TNRC18: variants seen among roughly 807,000 people sequenced by gnomAD.
TNRC18 encodes trinucleotide repeat-containing gene 18 protein.
In TNRC18, 69 loss-of-function variants were observed where a neutral mutation model predicts 226.7. The observed-to-expected ratio is 0.30, with a 90% confidence interval of 0.25 to 0.37. The LOEUF (loss-of-function observed/expected upper bound fraction) is 0.37, where lower values mean the gene tolerates loss of function less well. Ranked by LOEUF, TNRC18 falls within the 10% of genes least tolerant of loss-of-function variation. The pLI, the probability that TNRC18 is intolerant of heterozygous loss-of-function variation, is 1.00. For synonymous variants in TNRC18, 2,449 were observed against 1,927.6 expected, an observed-to-expected ratio of 1.27 and a Z score of -7.09; for missense variants, 4,754 against 4,256.6, an observed-to-expected ratio of 1.12 and a Z score of -3.25.
intron 18 of TNRC18, 45 bp downstream of exon 18, chr7:5,345,517 G>GGGGGGGGGCGCCCCCCCCCCCCCCCCCCC: frequency 2.6e-6 from 1 of 377,744 alleles, no homozygotes. Context: ...AATGGCGTCC[G>GGGGGGGGGCGCCCCCCCCCCCCCCCCCCC]CCCCTCCCAC....
At chr7:5,385,514 A>G (rs1175125567) in intron 5 of TNRC18, among the ~76,000 whole-genome samples, 1 of 119,752 alleles carries the variant, frequency 8.4e-6, no homozygotes, top group African/African-American at 3.5e-5. Context: ...AAAAAAAAAA[A>G]AAAGAAAAAA....
At chr7:5,321,225 C>CG in intron 21 of TNRC18, 35 bp from the exon 22 acceptor site, 1 of 1,468,352 alleles carries the variant, frequency 6.8e-7, no homozygotes, top group Non-Finnish European at 9.3e-7. Flanking sequence ...AGGCTGGAGC[C>CG]GGGGGCGTCT....
chr7:5,388,359 G>C lies in TNRC18; in HGVS notation c.1465C>G (p.Gln489Glu). The change falls in exon 5 of 30, where the codon CAG (glutamine) becomes GAG (glutamate). Residue 489 changes from glutamine to glutamate, a missense_variant. Gln to Glu is a conservative substitution (Grantham distance 29). Coordinates refer to ENST00000430969, the MANE Select transcript of TNRC18 (RefSeq NM_001080495.3). ...PRGPAGPAAQ[Q>E]AAKLFGLEPG... ...TCCAGGCCGAAGAGCTTGGCGGCCT[G>C]TTGGGCTGCAGGACCGGCTGGGCCG... 1.3e-6 allele frequency: 2 copies of C among 1,573,538 alleles called. No homozygotes were observed. Among genetic ancestry groups the C allele is most frequent in the Admixed American group, 1.9e-5 (1 of 53,896 alleles).
chr7:5,383,344 G>C lies in TNRC18; in HGVS notation c.2152+4328C>G, dbSNP rs183996873. On this transcript the variant is annotated intron_variant, in intron 5 of 29. Transcript: ENST00000430969. ...CAGACCTAGATCCTATGTGAGAACA[G>C]GAAGACCCAGGGCTCCCCTGCACAG... 2.6e-5 allele frequency among the ~76,000 whole-genome samples: 4 copies of C among 152,270 alleles called. No homozygotes were observed. In the East Asian group the frequency reaches 5.8e-4, roughly 22 times the overall value.
rs778942831 is a variant in TNRC18, at chr7:5,308,833, G to A, written c.8700+42C>T. On this transcript the variant is annotated intron_variant, in intron 29 of 29. Transcript: ENST00000430969. The stretch of plus-strand genomic sequence containing the variant: ...TGTCTGAGCTGCCCGGAAGGAAGCA[G>A]CCATCCCCAACCCGCCCACCACCAC... The A allele has an allele frequency of 5.5e-6, 8 of 1,454,860 alleles. No homozygotes were observed. In the East Asian group the frequency reaches 1.7e-4, roughly 31 times the overall value. 90.1% of individuals were successfully genotyped at this position (1,454,860 alleles called of 1,614,324 possible).
chr7:5,351,463 G>C (rs1422253808), intron 17 of TNRC18, among the ~76,000 whole-genome samples: 1 of 149,078 alleles, frequency 6.7e-6, no homozygotes, highest in Admixed American at 6.7e-5. Flanking sequence ...TCTCTGGGTG[G>C]GCAGAAAACG....
intron 16 of TNRC18, among the ~76,000 whole-genome samples, chr7:5,353,493 A>G (rs1317004319): frequency 7.4e-6 from 1 of 134,792 alleles, no homozygotes; most frequent in Non-Finnish European, 1.6e-5. Context: ...CGGGAGGTGG[A>G]GGTTGCAGTG....
chr7:5,354,608 C>T (rs1314876009), intron 16 of TNRC18, among the ~76,000 whole-genome samples: 1 of 152,086 alleles, frequency 6.6e-6, no homozygotes, highest in African/African-American at 2.4e-5. Context: ...TGATCACACC[C>T]ATCCCAATCA....
chr7:5,314,563 CTTTTTTTTTTTTTT>C (rs67183154), intron 26 of TNRC18, among the ~76,000 whole-genome samples: 19,615 of 80,584 alleles, frequency 0.24, 1,795 homozygotes, highest in Admixed American at 0.41. Flanking sequence ...GAGTTCTCTT[CTTTTTTTTTTTTTT>C]TTTTTTTTTT....
At chr7:5,375,068 G>C (rs1052818710) in intron 9 of TNRC18, among the ~76,000 whole-genome samples, 1 of 152,204 alleles carries the variant, frequency 6.6e-6, no homozygotes, top group Non-Finnish European at 1.5e-5. Flanking sequence ...CCAGCACTTT[G>C]GGAGGCCAAG....
chr7:5,377,332 C>CCCCA lies in TNRC18; in HGVS notation c.2461+38_2461+39insTGGG. 3 of 985,846 alleles carry CCCCA rather than the reference C, an allele frequency of 3.0e-6. No individual in the cohort carries two copies. The highest frequency in any genetic ancestry group is 4.5e-6 in the Non-Finnish European group (3 of 673,506). 61.1% of individuals were successfully genotyped at this position (985,846 alleles called of 1,614,324 possible). On this transcript the variant is annotated intron_variant, in intron 7 of 29. Transcript: ENST00000430969. This position sits in a 1 kb window ranked among gnomAD's most constrained non-coding sequence, Gnocchi z 5.8. ...CCTGCACCCGCCCCCTCCCACCCCT[C>CCCCA]CCTCAGAGAAGGGGAGAGACCCTGT...
Position 5,361,857 on chromosome 7 carries a change from GGGGCAGGGGCCCCACGGGGC to G in TNRC18, c.4532+20_4532+39del, listed in dbSNP as rs755383947. On this transcript the variant is annotated intron_variant, in intron 13 of 29. Coordinates refer to ENST00000430969, the MANE Select transcript of TNRC18 (RefSeq NM_001080495.3). ...TGCGCGCCTGGGGGCCTGGTGGGCC[GGGGCAGGGGCCCCACGGGGC>G]GGGCGGGGGACACACTCACTCGGAG... The G allele has an allele frequency of 1.8e-4, 272 of 1,514,220 alleles. No individual in the cohort carries two copies. Among genetic ancestry groups the G allele is most frequent in the Non-Finnish European group, 2.3e-4 (264 of 1,132,232 alleles). The allele number at this position is 1,514,220 out of a possible 1,614,324, so 93.8% of individuals were successfully genotyped here.
Position 5,345,721 on chromosome 7 carries a change from G to A in TNRC18, c.5560C>T (p.Arg1854Trp), listed in dbSNP as rs928363131. 17 of 1,548,308 alleles carry A rather than the reference G, an allele frequency of 1.1e-5. No homozygotes were observed. The highest frequency in any genetic ancestry group is 3.9e-5 in the Admixed American group (2 of 50,992). The change falls in exon 18 of 30, where the codon CGG becomes TGG. Residue 1854 changes from arginine to tryptophan, a missense_variant. Transcript: ENST00000430969. ...TCCTCCAGGCCCGGTGACAGGGCCCGCTCCCGGGCACCCAGCCTGTAGCCA... is the reference window on the plus strand; with the variant it reads ...TCCTCCAGGCCCGGTGACAGGGCCCACTCCCGGGCACCCAGCCTGTAGCCA... ...GGGYRLGARE[R>W]ALSPGLEESG...
chr7:5,309,510 T>C lies in TNRC18; in HGVS notation c.8389-142A>G, dbSNP rs1242156974. 5 of 694,930 alleles carry C rather than the reference T, an allele frequency of 7.2e-6. No individual in the cohort carries two copies. Among genetic ancestry groups the C allele is most frequent in the South Asian group, 1.9e-5 (1 of 52,232 alleles). 43.0% of individuals were successfully genotyped at this position (694,930 alleles called of 1,614,324 possible). A position where few individuals can be genotyped will look rare whatever the true frequency, so the allele number is the denominator to read the frequency against. On this transcript the variant is annotated intron_variant, in intron 27 of 29. Coordinates refer to ENST00000430969, the MANE Select transcript of TNRC18 (RefSeq NM_001080495.3). The surrounding 1 kb of genome is among the most constrained non-coding windows in gnomAD (Gnocchi z 5.7). Reference sequence around the variant, plus strand: ...AACTGTGGGGAGATGAGGAAGCTCCTTGTCTCGCTTCAAGTGGGGAAGCCC... The same window carrying C: ...AACTGTGGGGAGATGAGGAAGCTCCCTGTCTCGCTTCAAGTGGGGAAGCCC...
chr7:5,392,064 C>G (rs982268468), intron 3 of TNRC18, among the ~76,000 whole-genome samples: 7 of 151,982 alleles, frequency 4.6e-5, no homozygotes, highest in African/African-American at 1.7e-4. Flanking sequence ...CCCTGGTCCA[C>G]TGGGCCGATG....
chr7:5,321,288 G>A (rs1788328424), intron 21 of TNRC18, 98 bp from the exon 22 acceptor site: 2 of 884,018 alleles, frequency 2.3e-6, no homozygotes, highest in East Asian at 2.7e-5. Flanking sequence ...TGGAATGGAG[G>A]CCCTGGTACC....
intron 14 of TNRC18, among the ~76,000 whole-genome samples, chr7:5,361,139 G>T (rs1469282658): frequency 6.6e-6 from 1 of 152,212 alleles, no homozygotes; most frequent in Non-Finnish European, 1.5e-5. Context: ...AGGAGGAGAA[G>T]CTTGTCCCCA....
At chr7:5,348,389 T>C (rs1791426973) in intron 17 of TNRC18, among the ~76,000 whole-genome samples, 2 of 152,122 alleles carry the variant, frequency 1.3e-5, no homozygotes, top group South Asian at 4.1e-4. Flanking sequence ...CACCAGACCC[T>C]TTCTCTCCAG....
intron 12 of TNRC18, 105 bp from the exon 13 acceptor site, chr7:5,362,138 A>T: frequency 7.1e-7 from 1 of 1,409,346 alleles, no homozygotes; most frequent in South Asian, 1.3e-5. Context: ...CTGCACTGGG[A>T]GCTGGGGCTC....
Sources: gnomAD v4.1 joint callset for allele counts (sites outside exome capture counted in the v4.1 genomes callset) on GRCh38, gnomAD v4.1.1 for gene constraint, Gnocchi (gnomAD v3.1) non-coding constraint, MANE v1.5 for transcripts, NCBI Gene and HGNC (gene_info 2026-07-23, HGNC 2026-07-21) for gene names.